H2BW1: variants seen among roughly 807,000 people sequenced by gnomAD.
H2BW1 encodes histone H2B type W-T.
Under a neutral mutation model 8.0 loss-of-function variants are expected in H2BW1, and 9 were observed. The observed-to-expected ratio is 1.13, with a 90% CI of 0.68 to 1.97. The LOEUF (loss-of-function observed/expected upper bound fraction) is 1.97. H2BW1 is among the 30% of genes most tolerant of loss of function. The pLI, the probability that H2BW1 is intolerant of heterozygous loss-of-function variation, is 0.00. For missense variants in H2BW1, 137 were observed against 132.0 expected (o/e 1.04, Z -0.19); for synonymous variants, 58 against 54.7 (o/e 1.06, Z -0.26).
At chrX:104,012,311 A>C (rs1174117328) in intron 2 of H2BW1, among the ~76,000 whole-genome samples, 1 of 111,749 alleles carries the variant, frequency 8.9e-6, no homozygotes, top group Non-Finnish European at 1.9e-5. Flanking sequence ...ACCAGACTGC[A>C]TATCAGTGCA....
At chrX:104,011,869 T>C (rs113217714) in intron 2 of H2BW1, among the ~76,000 whole-genome samples, 1 of 111,903 alleles carries the variant, frequency 8.9e-6, no homozygotes, top group African/African-American at 3.3e-5. Flanking sequence ...AATGGCCACA[T>C]ATTGAGCTTC....
Position 104,013,184 on chromosome X carries a change from C to A in H2BW1, c.393G>T (p.Thr131=). The change falls in exon 1 of 3, where the codon ACG becomes ACT. Residue 131 remains threonine (T), a synonymous_variant. Coordinates refer to ENST00000217926, the MANE Select transcript of H2BW1 (RefSeq NM_001002916.5). ...TCCTGGTGTACCTGAGGACAGCCTT[C>A]GTGCCTTCGGACTCGGCGAGCTTGC... ...QMGKLAESEG[T]KAVLRTSLYA... is the part of the protein sequence containing the mutation. 1 of 1,205,676 alleles carries A rather than the reference C, an allele frequency of 8.3e-7. No homozygotes were observed. Among genetic ancestry groups the A allele is most frequent in the African/African-American group, 1.7e-5 (1 of 57,850 alleles).
At position 104,013,180 on chromosome X, in the gene H2BW1, C is replaced by A. The variant is rs781811785; in HGVS notation, c.397G>T (p.Ala133Ser). 1 of 1,202,715 alleles carries A rather than the reference C, an allele frequency of 8.3e-7. No individual in the cohort carries two copies. The highest frequency in any genetic ancestry group is 2.2e-5 in the Admixed American group (1 of 45,565). ...GKLAESEGTKAVLRTSLYAIQ... is the reference protein window; with the variant it reads ...GKLAESEGTKSVLRTSLYAIQ... ...TTGCTCCTGGTGTACCTGAGGACAGCCTTCGTGCCTTCGGACTCGGCGAGC... is the reference window on the plus strand; with the variant it reads ...TTGCTCCTGGTGTACCTGAGGACAGACTTCGTGCCTTCGGACTCGGCGAGC... The change falls in exon 1 of 3, where the codon GCT becomes TCT. Residue 133 changes from alanine to serine, a missense_variant. Physicochemically the swap from Ala to Ser is moderately conservative, Grantham distance 99. Coordinates refer to ENST00000217926, the MANE Select transcript of H2BW1 (RefSeq NM_001002916.5).
rs372943452 is a variant in H2BW1, at chrX:104,013,653, C to T, written c.-77G>A. On this transcript the variant is annotated 5_prime_UTR_variant, in exon 1 of 3. Coordinates refer to ENST00000217926, the MANE Select transcript of H2BW1 (RefSeq NM_001002916.5). ...CCGGGGAAGCCGGGGCACTTCGGTA[C>T]GCAGCATGGCTCCACGTCTCGGGCC... The T allele has an allele frequency of 1.6e-5, 19 of 1,198,420 alleles. No homozygotes were observed. Among genetic ancestry groups the T allele is most frequent in the Non-Finnish European group, 1.9e-5 (17 of 888,787 alleles).
intron 2 of H2BW1, 118 bp downstream of exon 2, chrX:104,012,571 GA>G: frequency 9.3e-7 from 1 of 1,070,071 alleles, no homozygotes. Flanking sequence ...GAGGAAGCTG[GA>G]AAATGAACGG....
intron 2 of H2BW1, among the ~76,000 whole-genome samples, chrX:104,012,481 G>A (rs782696523): frequency 1.8e-5 from 2 of 112,588 alleles, no homozygotes; most frequent in African/African-American, 6.5e-5. Context: ...TGGAAGTAAC[G>A]AAGGTTTCTG....
intron 1 of H2BW1, 103 bp downstream of exon 1, chrX:104,013,067 G>A: frequency 9.3e-7 from 1 of 1,080,248 alleles, no homozygotes; most frequent in South Asian, 2.2e-5. Context: ...CCCCCTTGGC[G>A]AGCCACTGGT....
In H2BW1 at chrX:104,013,554, G is replaced by A. The variant is rs782565980; in HGVS notation, c.23C>T (p.Thr8Met). Residue 8 changes from threonine (T) to methionine (M), a missense_variant, in exon 1 of 3, where the codon ACG (threonine) becomes ATG (methionine). Thr to Met is a moderately conservative substitution (Grantham distance 81, BLOSUM62 -1). Transcript: ENST00000217926. Reference protein sequence around the residue: MAGPSSETTSEEQLITQE... With the variant: MAGPSSEMTSEEQLITQE... ...GGTGATCAGCTGTTCCTCAGAGGTC[G>A]TCTCAGAGGAAGGTCCAGCCATGGC... 9.2e-5 allele frequency: 111 copies of A among 1,210,334 alleles called. No individual in the cohort carries two copies. The highest frequency in any genetic ancestry group is 5.9e-4 in the Admixed American group (27 of 45,882).
Position 104,011,640 on chromosome X carries a change from C to T in H2BW1, c.*23-177G>A, listed in dbSNP as rs182066162. The stretch of plus-strand genomic sequence containing the variant: ...CCCATTTCCCTCTTGACCAAACGGT[C>T]CTCTGCCAAAGGTGGAATAATCTAT... On this transcript the variant is annotated intron_variant, in intron 2 of 2. Transcript: ENST00000217926. Among the ~76,000 whole-genome samples, 3 of 111,300 alleles carry T rather than the reference C, an allele frequency of 2.7e-5. No homozygotes were observed. The East Asian group carries it at 8.4e-4, about 31-fold the overall frequency.
Position 104,011,347 on chromosome X carries a change from C to T in H2BW1, c.*139G>A, listed in dbSNP as rs2075126134. 8.9e-6 allele frequency: 1 copy of T among 112,293 alleles called. No individual in the cohort carries two copies. Among genetic ancestry groups the T allele is most frequent in the Admixed American group, 9.4e-5 (1 of 10,629 alleles). 9.3% of individuals were successfully genotyped at this position (112,293 alleles called of 1,213,427 possible). A position where few individuals can be genotyped will look rare whatever the true frequency, so the allele number is the denominator to read the frequency against. Reference sequence around the variant, plus strand: ...GTGTTGCTCCGGACATGTAGGGTCACCTGGCGGCACCGTCCAGAGCGATTT... The same window carrying T: ...GTGTTGCTCCGGACATGTAGGGTCATCTGGCGGCACCGTCCAGAGCGATTT... On this transcript the variant is annotated 3_prime_UTR_variant, in exon 3 of 3. Transcript: ENST00000217926.
chrX:104,013,453 G>A lies in H2BW1; in HGVS notation c.124C>T (p.Arg42Cys), dbSNP rs782420050. ...CCGCGGCAGTTGGAGTGGCACCTGC[G>A]GGGCCCATGGCGCCCTCGCTTCCTC... Reference protein sequence around the residue: ...KQRKRGRHGPRRCHSNCRGDS... With the variant: ...KQRKRGRHGPCRCHSNCRGDS... Residue 42 changes from arginine to cysteine, a missense_variant, in exon 1 of 3, where the codon CGC becomes TGC. Coordinates refer to ENST00000217926, the MANE Select transcript of H2BW1 (RefSeq NM_001002916.5). The A allele has an allele frequency of 2.6e-5, 31 of 1,210,751 alleles. No homozygotes were observed. Among genetic ancestry groups the A allele is most frequent in the Middle Eastern group, 2.3e-4 (1 of 4,374 alleles).
In H2BW1 at chrX:104,011,317, T is replaced by G. The variant is rs1556337184; in HGVS notation, c.*169A>C. 1 of 112,380 alleles carries G rather than the reference T, an allele frequency of 8.9e-6. No individual in the cohort carries two copies. The highest frequency in any genetic ancestry group is 1.9e-5 in the Non-Finnish European group (1 of 53,329). The allele number at this position is 112,380 out of a possible 1,213,427, so 9.3% of individuals were successfully genotyped here. A position where few individuals can be genotyped will look rare whatever the true frequency, so the allele number is the denominator to read the frequency against. Reference sequence around the variant, plus strand: ...GGGTTCTGCCAAGCGTCTTTGGTTTTCAAAGTGTTGCTCCGGACATGTAGG... The same window carrying G: ...GGGTTCTGCCAAGCGTCTTTGGTTTGCAAAGTGTTGCTCCGGACATGTAGG... On this transcript the variant is annotated 3_prime_UTR_variant, in exon 3 of 3. Coordinates refer to ENST00000217926, the MANE Select transcript of H2BW1 (RefSeq NM_001002916.5).
chrX:104,012,897 A>G, intron 1 of H2BW1, 149 bp from the exon 2 acceptor site: 1 of 936,495 alleles, frequency 1.1e-6, no homozygotes, highest in Non-Finnish European at 1.5e-6. Flanking sequence ...ACGATCACGG[A>G]AACACCCACT....
chrX:104,013,436 G>A lies in H2BW1; in HGVS notation c.141C>T (p.Asn47=). The A allele has an allele frequency of 4.9e-6, 6 of 1,212,490 alleles. No individual in the cohort carries two copies. The highest frequency in any genetic ancestry group is 6.7e-6 in the Non-Finnish European group (6 of 895,687). The change falls in exon 1 of 3, where the codon AAC becomes AAT. Residue 47 remains asparagine (N), a synonymous_variant. Transcript: ENST00000217926. ...AGGTGGCGAAGCTGTCCCCGCGGCAGTTGGAGTGGCACCTGCGGGGCCCAT... is the reference window on the plus strand; with the variant it reads ...AGGTGGCGAAGCTGTCCCCGCGGCAATTGGAGTGGCACCTGCGGGGCCCAT... ...GRHGPRRCHS[N]CRGDSFATYF...
chrX:104,011,676 G>T (rs1220892375), intron 2 of H2BW1, among the ~76,000 whole-genome samples: 4 of 111,636 alleles, frequency 3.6e-5, no homozygotes, highest in African/African-American at 1.3e-4. Context: ...GTGGCTATGT[G>T]TTGGGCCATC....
intron 2 of H2BW1, among the ~76,000 whole-genome samples, chrX:104,011,732 T>C (rs1400680071): frequency 1.8e-5 from 2 of 112,265 alleles, no homozygotes; most frequent in Non-Finnish European, 3.8e-5. Context: ...AAAATTTTGA[T>C]TTTTGTCATT....
In H2BW1 at chrX:104,013,199, G is replaced by T. The variant is rs139759218; in HGVS notation, c.378C>A (p.Ala126=). The part of the protein sequence containing the change: ...LLLPGQMGKL[A]ESEGTKAVLR... ...GGACAGCCTTCGTGCCTTCGGACTC[G>T]GCGAGCTTGCCCATCTGCCCCGGCA... Residue 126 remains alanine, a synonymous_variant, in exon 1 of 3, where the codon GCC becomes GCA. Transcript: ENST00000217926. 8.3e-7 allele frequency: 1 copy of T among 1,207,762 alleles called. No homozygotes were observed. Among genetic ancestry groups the T allele is most frequent in the African/African-American group, 1.7e-5 (1 of 57,377 alleles).
chrX:104,012,676 T>C lies in H2BW1; in HGVS notation c.*22+14A>G, dbSNP rs782540220. On this transcript the variant is annotated intron_variant, in intron 2 of 2. Transcript: ENST00000217926. ...CGTGATGGGAGCGGTGTTGAAAACA[T>C]TTAGGAGGGTTACCTTGCTTCTTGT... is the stretch of plus-strand genomic sequence containing the variant. 1 of 1,210,763 alleles carries C rather than the reference T, an allele frequency of 8.3e-7. No individual in the cohort carries two copies. The highest frequency in any genetic ancestry group is 1.1e-6 in the Non-Finnish European group (1 of 895,058).
rs142797444 is a variant in H2BW1, at chrX:104,012,396, C to T, written c.*22+294G>A. Among the ~76,000 whole-genome samples the T allele has an allele frequency of 2.5e-3, 282 of 112,605 alleles. 1 individual carries two copies. Among genetic ancestry groups the T allele is most frequent in the Non-Finnish European group, 4.2e-3 (223 of 53,329 alleles). On this transcript the variant is annotated intron_variant, in intron 2 of 2. Transcript: ENST00000217926. ...ACTGTTGCTCATAGACTGCAAGTCACTCATTGGCTACACCACTGAACACTA... is the reference window on the plus strand; with the variant it reads ...ACTGTTGCTCATAGACTGCAAGTCATTCATTGGCTACACCACTGAACACTA...
Sources: allele counts gnomAD v4.1 joint callset (sites outside exome capture counted in the v4.1 genomes callset), GRCh38; gene constraint gnomAD v4.1.1; transcripts MANE v1.5; gene names NCBI Gene and HGNC (gene_info 2026-07-23, HGNC 2026-07-21).